The following ZNF536 variants were observed in gnomAD, a reference collection of about 807,000 sequenced individuals.
The protein encoded by ZNF536 is zinc finger protein 536.
Under a neutral mutation model 84.5 loss-of-function variants are expected in ZNF536, and 13 were observed. The ratio of observed to expected loss-of-function variants is 0.15; its 90% confidence interval spans 0.10 to 0.24. The LOEUF (loss-of-function observed/expected upper bound fraction) is 0.24. Ranked by LOEUF, ZNF536 falls within the 10% of genes least tolerant of loss-of-function variation. The pLI, the probability that ZNF536 is intolerant of heterozygous loss-of-function variation, is 1.00. For missense variants in ZNF536, 1,536 were observed against 1,747.5 expected, an observed-to-expected ratio of 0.88 and a Z score of 2.16; for synonymous variants, 811 against 742.5, an observed-to-expected ratio of 1.09 and a Z score of -1.50.
chr19:30,677,298 T>C (rs1429013043), intron 1 of ZNF536, among the ~76,000 whole-genome samples: 3 of 152,208 alleles, frequency 2.0e-5, no homozygotes, highest in South Asian at 2.1e-4. Flanking sequence ...CTCGGTTTCT[T>C]ATTGGTGTTA....
chr19:30,381,707 A>AAGGGT (rs2049029989), intron 1 of ZNF536, among the ~76,000 whole-genome samples: 1 of 152,166 alleles, frequency 6.6e-6, no homozygotes, highest in Non-Finnish European at 1.5e-5. Flanking sequence ...GGAAGCCTCA[A>AAGGGT]AGGGTATGGA....
chr19:30,611,410 A>G (rs2048101721), intron 1 of ZNF536, among the ~76,000 whole-genome samples: 1 of 152,206 alleles, frequency 6.6e-6, no homozygotes, highest in Non-Finnish European at 1.5e-5. Flanking sequence ...ACTCCTTATT[A>G]TATTGCATTA....
At chr19:30,636,116 C>G (rs904092464) in intron 1 of ZNF536, among the ~76,000 whole-genome samples, 5 of 152,144 alleles carry the variant, frequency 3.3e-5, no homozygotes, top group Non-Finnish European at 7.4e-5. Flanking sequence ...TGGTGGGGCC[C>G]GGGTGTGGCG....
At chr19:30,633,491 G>T (rs1291135922) in intron 1 of ZNF536, among the ~76,000 whole-genome samples, 1 of 152,082 alleles carries the variant, frequency 6.6e-6, no homozygotes, top group Non-Finnish European at 1.5e-5. Context: ...GCCATGTAAT[G>T]CAATTGATCT....
intron 2 of ZNF536, among the ~76,000 whole-genome samples, chr19:30,293,459 G>A (rs184745905): frequency 1.1e-3 from 171 of 152,274 alleles, no homozygotes; most frequent in South Asian, 2.3e-3. Context: ...CTGGTCTTGC[G>A]TCTATCTCAG....
At chr19:30,681,771 G>C (rs2147827263) in intron 1 of ZNF536, among the ~76,000 whole-genome samples, 1 of 152,326 alleles carries the variant, frequency 6.6e-6, no homozygotes, top group East Asian at 1.9e-4. Context: ...AGTGGCTCCA[G>C]TCCTCCAGGT....
chr19:30,457,041 C>CA (rs11405582), intron 2 of ZNF536, among the ~76,000 whole-genome samples: 64,617 of 117,318 alleles, frequency 0.55, 16,883 homozygotes, highest in Non-Finnish European at 0.64. Context: ...GACTTCATCT[C>CA]AAAAAAAAAA....
At chr19:30,251,766 T>C (rs936814869) in intron 1 of ZNF536, among the ~76,000 whole-genome samples, 3 of 152,180 alleles carry the variant, frequency 2.0e-5, no homozygotes, top group Non-Finnish European at 2.9e-5. Context: ...CCAAGGTCCA[T>C]TGTGCCATTC....
At chr19:30,437,082 G>A (rs902515459) in intron 1 of ZNF536, among the ~76,000 whole-genome samples, 3 of 152,080 alleles carry the variant, frequency 2.0e-5, no homozygotes, top group South Asian at 2.1e-4. Flanking sequence ...ATTCTTTTTC[G>A]TGGTATAAGG....
chr19:30,401,019 A>C (rs75799191), intron 1 of ZNF536, among the ~76,000 whole-genome samples: 1 of 151,910 alleles, frequency 6.6e-6, no homozygotes, highest in Non-Finnish European at 1.5e-5. Flanking sequence ...TTTGTAATCC[A>C]TGTTTTGTGT....
intron 1 of ZNF536, among the ~76,000 whole-genome samples, chr19:30,439,783 G>A (rs62101958): frequency 0.029 from 4,389 of 152,096 alleles, 103 homozygotes; most frequent in Non-Finnish European, 0.045. Flanking sequence ...GGGCAGTGAC[G>A]GTCAGTTAAG....
chr19:30,660,977 A>G (rs1328571594), intron 1 of ZNF536, among the ~76,000 whole-genome samples: 1 of 152,202 alleles, frequency 6.6e-6, no homozygotes, highest in Non-Finnish European at 1.5e-5. Context: ...CATTGACCAA[A>G]TACAGGCCCC....
chr19:30,316,894 T>A (rs936199201), intron 2 of ZNF536, among the ~76,000 whole-genome samples: 2 of 152,150 alleles, frequency 1.3e-5, no homozygotes, highest in Non-Finnish European at 2.9e-5. Context: ...TGCCGTGGCA[T>A]GTAGCATAAA....
chr19:30,609,946 C>CCATG (rs2048041916), intron 1 of ZNF536, among the ~76,000 whole-genome samples: 2 of 150,646 alleles, frequency 1.3e-5, no homozygotes, highest in Non-Finnish European at 1.5e-5. Context: ...ATCCATGCAT[C>CCATG]CATCCATCCA....
intron 1 of ZNF536, among the ~76,000 whole-genome samples, chr19:30,581,985 T>C (rs1484029480): frequency 1.3e-5 from 2 of 151,990 alleles, no homozygotes; most frequent in African/African-American, 4.8e-5. Context: ...AGGAGTTATG[T>C]CCAAGAGTCA....
At chr19:30,371,735 C>A (rs548706169), upstream of ZNF536, among the ~76,000 whole-genome samples, 1 of 150,332 alleles carries the variant, frequency 6.7e-6, no homozygotes, top group East Asian at 2.0e-4. Flanking sequence ...GCAGCGGCCC[C>A]AAAAGAGTCA....
At chr19:30,680,521 C>A (rs562149703) in intron 1 of ZNF536, among the ~76,000 whole-genome samples, 2 of 150,552 alleles carry the variant, frequency 1.3e-5, no homozygotes, top group Admixed American at 1.3e-4. Context: ...TTTGTTCTTG[C>A]GATAGCTTAC....
At chr19:30,681,750 T>C (rs972021660) in intron 1 of ZNF536, among the ~76,000 whole-genome samples, 2 of 152,166 alleles carry the variant, frequency 1.3e-5, no homozygotes, top group Admixed American at 1.3e-4. Context: ...TCCTAATTAC[T>C]TAGGAGCAGA....
At chr19:30,687,954 G>A (rs1214977627) in intron 1 of ZNF536, among the ~76,000 whole-genome samples, 1 of 150,398 alleles carries the variant, frequency 6.6e-6, no homozygotes, top group Non-Finnish European at 1.5e-5. Flanking sequence ...ATTACGTGTA[G>A]AGAAGCTGCA....
Sources: allele counts gnomAD v4.1 joint callset (sites outside exome capture counted in the v4.1 genomes callset), GRCh38; gene constraint gnomAD v4.1.1; transcripts MANE v1.5; gene names NCBI Gene and HGNC (gene_info 2026-07-23, HGNC 2026-07-21).